Variants in HYAL3 observed in about 807,000 individuals in gnomAD.
The protein encoded by HYAL3 is hyaluronidase 3, also known as hyaluronidase-3.
HYAL3 carries 25 observed loss-of-function variants against 29.6 expected under a neutral mutation model. The ratio of observed to expected loss-of-function variants is 0.85; its 90% CI spans 0.62 to 1.18. The LOEUF (loss-of-function observed/expected upper bound fraction) is 1.18. Among genes scored for constraint, HYAL3 ranks in the 50% most tolerant of loss-of-function variants. The pLI is 0.00. For synonymous variants in HYAL3, 215 were observed against 218.3 expected, an observed-to-expected ratio of 0.99 and a Z score of 0.13; for missense variants, 442 against 548.4, an observed-to-expected ratio of 0.81 and a Z score of 1.94.
chr3:50,295,011 C>T lies in HYAL3; in HGVS notation c.592G>A (p.Gly198Ser). The T allele has an allele frequency of 6.2e-7, 1 of 1,613,432 alleles. No individual in the cohort carries two copies. Reference sequence around the variant, plus strand: ...CCACAGGCTGGGTAGTGATAGAAGCCCCAGAGTCCATGGGGCCGTAGTGCC... The same window carrying T: ...CCACAGGCTGGGTAGTGATAGAAGCTCCAGAGTCCATGGGGCCGTAGTGCC... ...AQALRPHGLW[G>S]FYHYPACGNG... The change falls in exon 2 of 4, where the codon GGC becomes AGC. Residue 198 changes from glycine (G) to serine (S), a missense_variant. Transcript: ENST00000336307.
rs1327326305 is a variant in HYAL3, at chr3:50,299,301, G to A, written c.-106C>T. The A allele has an allele frequency of 6.2e-7, 1 of 1,610,480 alleles. No individual in the cohort carries two copies. Among genetic ancestry groups the A allele is most frequent in the Admixed American group, 1.7e-5 (1 of 59,678 alleles). On this transcript the variant is annotated 5_prime_UTR_variant, in exon 1 of 4. Coordinates refer to ENST00000336307, the MANE Select transcript of HYAL3 (RefSeq NM_003549.4). ...GTCGCCACCTCGGACTCCTCGGTCC[G>A]ACAACGTTGGCCCCCAGCGGTGCGG...
rs368118572 is a variant in HYAL3 at position 50,296,735 on chromosome 3, T to G, written c.-17-1116A>C. 433 of 1,598,086 alleles carry G rather than the reference T, an allele frequency of 2.7e-4. No individual in the cohort carries two copies. The African/African-American group carries it at 5.5e-3, about 20-fold the overall frequency. ...TCAGGCACTCAGGTAGGGGAGGGGG[T>G]GGTGGCAATGGAGGTCCCTTGGGAC... On this transcript the variant is annotated intron_variant, in intron 1 of 3. Transcript: ENST00000336307.
intron 1 of HYAL3, chr3:50,298,020 A>G (rs2109294623): frequency 1.0e-6 from 1 of 986,232 alleles, no homozygotes; most frequent in Non-Finnish European, 1.2e-6. Flanking sequence ...CACCAGGTCT[A>G]TAAAACAGCC....
At position 50,295,028 on chromosome 3, in the gene HYAL3, C is replaced by T. The variant is rs149248362; in HGVS notation, c.575G>A (p.Arg192Gln). Reference sequence around the variant, plus strand: ...ATAGAAGCCCCAGAGTCCATGGGGCCGTAGTGCCTGGGCCACCCGCAGCGT... The same window carrying T: ...ATAGAAGCCCCAGAGTCCATGGGGCTGTAGTGCCTGGGCCACCCGCAGCGT... ...EDTLRVAQALRPHGLWGFYHY... is the reference protein window; with the variant it reads ...EDTLRVAQALQPHGLWGFYHY... The change falls in exon 2 of 4, where the codon CGG becomes CAG. Residue 192 changes from arginine (R) to glutamine (Q), a missense_variant. Coordinates refer to ENST00000336307, the MANE Select transcript of HYAL3 (RefSeq NM_003549.4). 739 of 1,613,406 alleles carry T rather than the reference C, an allele frequency of 4.6e-4. 1 individual carries two copies. Among genetic ancestry groups the T allele is most frequent in the Non-Finnish European group, 5.8e-4 (690 of 1,179,944 alleles).
chr3:50,296,767 G>C (rs1265774369), intron 1 of HYAL3: 1 of 1,598,212 alleles, frequency 6.3e-7, no homozygotes, highest in Middle Eastern at 1.7e-4. Context: ...GGACCCCTTG[G>C]GGCAGCTTGG....
At position 50,293,378 on chromosome 3, in the gene HYAL3, C is replaced by G. The variant is rs782471912; in HGVS notation, c.1122G>C (p.Gln374His). The G allele has an allele frequency of 2.5e-6, 4 of 1,613,636 alleles. No homozygotes were observed. The highest frequency in any genetic ancestry group is 3.4e-6 in the Non-Finnish European group (4 of 1,180,044). Reference protein sequence around the residue: ...HGRCARRDPGQMEAFLHLWPD... With the variant: ...HGRCARRDPGHMEAFLHLWPD... ...GCCACAGGTGTAGAAAGGCTTCCAT[C>G]TGTCCTGGATCTCGCCGGGCACAGC... is the stretch of plus-strand genomic sequence containing the variant. The change falls in exon 4 of 4, where the codon CAG becomes CAC. Residue 374 changes from glutamine to histidine, a missense_variant. Transcript: ENST00000336307.
intron 2 of HYAL3, 41 bp downstream of exon 2, chr3:50,294,668 T>C: frequency 6.8e-7 from 1 of 1,468,178 alleles, no homozygotes. Flanking sequence ...AACAGGGCCA[T>C]ACCTCCTGAC....
intron 1 of HYAL3, chr3:50,296,724 A>T (rs368362937): frequency 1.9e-6 from 3 of 1,607,142 alleles, no homozygotes; most frequent in Non-Finnish European, 2.5e-6. Flanking sequence ...GCACTCAGGT[A>T]GGGGAGGGGG....
chr3:50,297,696 C>A lies in HYAL3; in HGVS notation c.-18+1517G>T. The A allele has an allele frequency of 7.3e-7, 1 of 1,369,866 alleles. No individual in the cohort carries two copies. The allele number at this position is 1,369,866 out of a possible 1,614,324, so 84.9% of individuals were successfully genotyped here. ...TCCTGTAGATAACAGCCATGCTGGG[C>A]TGTGCCAGGAGGGAGGGTGGGGTTG... On this transcript the variant is annotated intron_variant, in intron 1 of 3. Coordinates refer to ENST00000336307, the MANE Select transcript of HYAL3 (RefSeq NM_003549.4). The surrounding 1 kb of genome is among the most constrained non-coding windows in gnomAD (Gnocchi z 4.3).
intron 2 of HYAL3, 42 bp downstream of exon 2, chr3:50,294,667 A>G (rs749894243): frequency 2.7e-6 from 4 of 1,468,576 alleles, no homozygotes; most frequent in South Asian, 1.5e-5. Context: ...GAACAGGGCC[A>G]TACCTCCTGA....
rs369969298 is a variant in HYAL3 at position 50,297,465 on chromosome 3, C to T, written c.-18+1748G>A. On this transcript the variant is annotated intron_variant, in intron 1 of 3. Transcript: ENST00000336307. The surrounding 1 kb of genome is among the most constrained non-coding windows in gnomAD (Gnocchi z 4.3). ...GCTGGTACTCAGGATCAGCTCCATC[C>T]GGTGTGTAGGGTCTAGTGTAGGGGT... 18 of 1,598,134 alleles carry T rather than the reference C, an allele frequency of 1.1e-5. No homozygotes were observed. The highest frequency in any genetic ancestry group is 3.4e-5 in the Admixed American group (2 of 58,842).
Position 50,294,693 on chromosome 3 carries a change from C to T in HYAL3, c.894+16G>A. 6.7e-7 allele frequency: 1 copy of T among 1,499,714 alleles called. No individual in the cohort carries two copies. Among genetic ancestry groups the T allele is most frequent in the Non-Finnish European group, 8.9e-7 (1 of 1,123,546 alleles). 92.9% of individuals were successfully genotyped at this position (1,499,714 alleles called of 1,614,324 possible). ...TACCTCCTGACTCAGACCCCTAGACCTCAGCTTCCACTTACCTGGGACAGG... is the reference window on the plus strand; with the variant it reads ...TACCTCCTGACTCAGACCCCTAGACTTCAGCTTCCACTTACCTGGGACAGG... On this transcript the variant is annotated intron_variant, in intron 2 of 3. Coordinates refer to ENST00000336307, the MANE Select transcript of HYAL3 (RefSeq NM_003549.4).
rs1217734572 is a variant in HYAL3 at position 50,298,936 on chromosome 3, G to T, written c.-18+277C>A. ...CCGCGGCCTTAACCCCTTCAGTGCC[G>T]ACCCCACCCACTGTGGGCGGGGCTC... is the stretch of plus-strand genomic sequence containing the variant. On this transcript the variant is annotated intron_variant, in intron 1 of 3. Transcript: ENST00000336307. The T allele has an allele frequency of 7.1e-6, 10 of 1,406,630 alleles. No individual in the cohort carries two copies. In the East Asian group the frequency reaches 1.9e-4, roughly 27 times the overall value. The allele number at this position is 1,406,630 out of a possible 1,614,324, so 87.1% of individuals were successfully genotyped here.
At position 50,297,687 on chromosome 3, in the gene HYAL3, C is replaced by T. The variant is rs1701909960; in HGVS notation, c.-18+1526G>A. Reference sequence around the variant, plus strand: ...TGGCTCTCCTCCTGTAGATAACAGCCATGCTGGGCTGTGCCAGGAGGGAGG... The same window carrying T: ...TGGCTCTCCTCCTGTAGATAACAGCTATGCTGGGCTGTGCCAGGAGGGAGG... On this transcript the variant is annotated intron_variant, in intron 1 of 3. Transcript: ENST00000336307. The surrounding 1 kb of genome is among the most constrained non-coding windows in gnomAD (Gnocchi z 4.3). 7.3e-7 allele frequency: 1 copy of T among 1,375,666 alleles called. No individual in the cohort carries two copies. Among genetic ancestry groups the T allele is most frequent in the African/African-American group, 1.5e-5 (1 of 67,684 alleles). The allele number at this position is 1,375,666 out of a possible 1,614,324, so 85.2% of individuals were successfully genotyped here.
In HYAL3 at chr3:50,293,175, G is replaced by A. The variant is rs1553710269; in HGVS notation, c.*71C>T. ...ACTGTAAACTGAATAGAGCAAGAGT[G>A]GGACAGAGTAGTTCCAGGACTGGAA... is the stretch of plus-strand genomic sequence containing the variant. On this transcript the variant is annotated 3_prime_UTR_variant, in exon 4 of 4. Transcript: ENST00000336307. 6.3e-7 allele frequency: 1 copy of A among 1,595,364 alleles called. No individual in the cohort carries two copies. Among genetic ancestry groups the A allele is most frequent in the South Asian group, 1.1e-5 (1 of 90,168 alleles).
rs1456620499 is a variant in HYAL3 at position 50,297,713 on chromosome 3, G to T, written c.-18+1500C>A. The T allele has an allele frequency of 3.7e-6, 5 of 1,365,498 alleles. No individual in the cohort carries two copies. The East Asian group carries it at 1.1e-4, about 31-fold the overall frequency. The allele number at this position is 1,365,498 out of a possible 1,614,324, so 84.6% of individuals were successfully genotyped here. A position where few individuals can be genotyped will look rare whatever the true frequency, so the allele number is the denominator to read the frequency against. Reference sequence around the variant, plus strand: ...ATGCTGGGCTGTGCCAGGAGGGAGGGTGGGGTTGGAGCAGGGAAGGGCTGA... The same window carrying T: ...ATGCTGGGCTGTGCCAGGAGGGAGGTTGGGGTTGGAGCAGGGAAGGGCTGA... On this transcript the variant is annotated intron_variant, in intron 1 of 3. Transcript: ENST00000336307. This position sits in a 1 kb window ranked among gnomAD's most constrained non-coding sequence, Gnocchi z 4.3.
chr3:50,293,400 C>T lies in HYAL3; in HGVS notation c.1100G>A (p.Cys367Tyr), dbSNP rs1425006780. The T allele has an allele frequency of 6.2e-7, 1 of 1,613,670 alleles. No individual in the cohort carries two copies. The highest frequency in any genetic ancestry group is 1.1e-5 in the South Asian group (1 of 91,092). Reference protein sequence around the residue: ...SHQRCHGHGRCARRDPGQMEA... With the variant: ...SHQRCHGHGRYARRDPGQMEA... ...CATCTGTCCTGGATCTCGCCGGGCACAGCGCCCGTGGCCATGGCACCGCTG... is the reference window on the plus strand; with the variant it reads ...CATCTGTCCTGGATCTCGCCGGGCATAGCGCCCGTGGCCATGGCACCGCTG... The change falls in exon 4 of 4, where the codon TGT (cysteine) becomes TAT (tyrosine). Residue 367 changes from cysteine to tyrosine, a missense_variant. Coordinates refer to ENST00000336307, the MANE Select transcript of HYAL3 (RefSeq NM_003549.4).
chr3:50,296,890 C>T (rs1333617145), intron 1 of HYAL3: 1 of 1,607,570 alleles, frequency 6.2e-7, no homozygotes, highest in East Asian at 2.2e-5. Flanking sequence ...TGCACAGGCT[C>T]ACCCAGCTGG....
Position 50,297,773 on chromosome 3 carries a change from G to A in HYAL3, c.-18+1440C>T. The A allele has an allele frequency of 8.0e-7, 1 of 1,253,374 alleles. No individual in the cohort carries two copies. 77.6% of individuals were successfully genotyped at this position (1,253,374 alleles called of 1,614,324 possible). On this transcript the variant is annotated intron_variant, in intron 1 of 3. Transcript: ENST00000336307. The surrounding 1 kb of genome is among the most constrained non-coding windows in gnomAD (Gnocchi z 4.3). Reference sequence around the variant, plus strand: ...GGGGGGACCATGCATACTGGAACTGGGGAGTGGTGGGCTGCACTTTGTCCC... The same window carrying A: ...GGGGGGACCATGCATACTGGAACTGAGGAGTGGTGGGCTGCACTTTGTCCC...
Sources: allele counts gnomAD v4.1 joint callset, GRCh38; gene constraint gnomAD v4.1.1; non-coding constraint Gnocchi (gnomAD v3.1); transcripts MANE v1.5; gene names NCBI Gene and HGNC (gene_info 2026-07-23, HGNC 2026-07-21).